ANTXRL: variants seen among roughly 807,000 people sequenced by gnomAD.
ANTXRL encodes ANTXR like.
ANTXRL carries 63 observed loss-of-function variants against 75.4 expected under a neutral mutation model. That is an observed-to-expected ratio of 0.84 (90% CI 0.68 to 1.03). ANTXRL has a LOEUF of 1.03. ANTXRL is among the 50% of genes least tolerant of loss of function. The pLI, the probability that ANTXRL is intolerant of heterozygous loss-of-function variation, is 0.00. For missense variants in ANTXRL, 797 were observed against 789.4 expected (o/e 1.01, Z -0.12); for synonymous variants, 335 against 291.3 (o/e 1.15, Z -1.53).
intron 16 of ANTXRL, among the ~76,000 whole-genome samples, chr10:46,328,260 A>T (rs7897867): frequency 0.029 from 4,423 of 152,228 alleles, 202 homozygotes; most frequent in African/African-American, 0.1. Flanking sequence ...AGAACATTCC[A>T]GAAACAGAGG....
chr10:46,305,115 C>A (rs4075137), intron 10 of ANTXRL, among the ~76,000 whole-genome samples: 44,888 of 151,824 alleles, frequency 0.3, 6,284 homozygotes, highest in African/African-American at 0.4. Context: ...ATCCCCGGAA[C>A]ATGTCCCTGG....
chr10:46,314,016 T>A (rs1173735955), intron 16 of ANTXRL, among the ~76,000 whole-genome samples: 1 of 152,224 alleles, frequency 6.6e-6, no homozygotes. Flanking sequence ...GGGACTCATC[T>A]GCCTGTGCCT....
intron 16 of ANTXRL, 106 bp from the exon 17 acceptor site, chr10:46,329,493 G>T (rs1190674016): frequency 3.6e-6 from 5 of 1,402,804 alleles, no homozygotes; most frequent in East Asian, 2.5e-5. Flanking sequence ...CACCCTGTGG[G>T]TCCCGATGGG....
intron 14 of ANTXRL, among the ~76,000 whole-genome samples, 154 bp downstream of exon 14, chr10:46,310,653 C>T (rs1222633914): frequency 6.6e-6 from 1 of 152,046 alleles, no homozygotes; most frequent in Non-Finnish European, 1.5e-5. Flanking sequence ...ATGGGGGACT[C>T]ACAGTGATGT....
At chr10:46,320,431 G>T (rs565909849) in intron 16 of ANTXRL, among the ~76,000 whole-genome samples, 1 of 152,100 alleles carries the variant, frequency 6.6e-6, no homozygotes, top group Non-Finnish European at 1.5e-5. Context: ...GCAAGGGTTT[G>T]TTACAATTGT....
chr10:46,298,064 T>C lies in ANTXRL; in HGVS notation c.796+2T>C, dbSNP rs782744335. On this transcript the variant is annotated splice_donor_variant, in intron 9 of 16. Coordinates refer to ENST00000620264, the MANE Select transcript of ANTXRL (RefSeq NM_001278688.3). LOFTEE classifies it high-confidence loss of function. ...AGCCTTCCTCTGAGTGTGTAGGAGG[T>C]GAGAGCTGCGGAGGCCCTGGGGTAG... is the stretch of plus-strand genomic sequence containing the variant. 3.9e-6 allele frequency: 6 copies of C among 1,535,070 alleles called. No individual in the cohort carries two copies. The South Asian group carries it at 7.1e-5, about 18-fold the overall frequency.
intron 16 of ANTXRL, among the ~76,000 whole-genome samples, chr10:46,326,212 G>A (rs1197033149): frequency 1.3e-5 from 2 of 152,020 alleles, no homozygotes; most frequent in African/African-American, 4.8e-5. Flanking sequence ...ATGGATAAAA[G>A]GAAGGAACAG....
At chr10:46,316,536 G>A (rs1477603521) in intron 16 of ANTXRL, among the ~76,000 whole-genome samples, 20 of 152,076 alleles carry the variant, frequency 1.3e-4, no homozygotes, top group Non-Finnish European at 2.1e-4. Context: ...CAGAGCTGTG[G>A]ACACCGAAGC....
chr10:46,328,655 CATGTGCAGG>C (rs1834641635), intron 16 of ANTXRL, among the ~76,000 whole-genome samples: 1 of 151,682 alleles, frequency 6.6e-6, no homozygotes, highest in African/African-American at 2.4e-5. Flanking sequence ...TTCCGGGATA[CATGTGCAGG>C]ATGTGCAGGT....
chr10:46,300,419 A>G (rs1554960208), intron 9 of ANTXRL, among the ~76,000 whole-genome samples: 1 of 152,084 alleles, frequency 6.6e-6, no homozygotes, highest in African/African-American at 2.4e-5. Flanking sequence ...TGGGCCTCCT[A>G]TCCAGCCTGG....
rs1554967178 is a variant in ANTXRL, at chr10:46,329,749, C to G, written c.1561C>G (p.Leu521Val). The change falls in exon 17 of 17, where the codon CTC becomes GTC. Residue 521 changes from leucine (L) to valine (V), a missense_variant. Coordinates refer to ENST00000620264, the MANE Select transcript of ANTXRL (RefSeq NM_001278688.3). The part of the protein sequence containing the change: ...RMCLRHSREC[L>V]ALKQARCSPN... ...GTGCCTGAGACACAGCCGGGAGTGCCTCGCCCTCAAACAGGCTCGCTGCAG... is the reference window on the plus strand; with the variant it reads ...GTGCCTGAGACACAGCCGGGAGTGCGTCGCCCTCAAACAGGCTCGCTGCAG... 6.5e-7 allele frequency: 1 copy of G among 1,534,620 alleles called. No homozygotes were observed. The highest frequency in any genetic ancestry group is 8.7e-7 in the Non-Finnish European group (1 of 1,146,626).
At chr10:46,308,039 T>G (rs1212201591) in intron 12 of ANTXRL, among the ~76,000 whole-genome samples, 5 of 152,156 alleles carry the variant, frequency 3.3e-5, no homozygotes, top group African/African-American at 9.7e-5. Flanking sequence ...GTGCCTGCTC[T>G]TCAGAGCTCC....
intron 3 of ANTXRL, chr10:46,294,206 TGCAGGGG>T (rs781869745): frequency 1.2e-4 from 50 of 425,014 alleles, no homozygotes; most frequent in Non-Finnish European, 1.9e-4. Flanking sequence ...ATTCCCAGGG[TGCAGGGG>T]CTGGCAGGGC....
chr10:46,328,463 A>G lies in ANTXRL; in HGVS notation c.1411-1136A>G, dbSNP rs1405008388. Among the ~76,000 whole-genome samples, 22 of 152,122 alleles carry G rather than the reference A, an allele frequency of 1.4e-4. 1 individual carries two copies. The highest frequency in any genetic ancestry group is 1.5e-5 in the Non-Finnish European group (1 of 68,032). Reference sequence around the variant, plus strand: ...GAGCTCCAGCCATCACACTCATATTACAGGCAGGAAGAAGAAGGAAAAAGG... The same window carrying G: ...GAGCTCCAGCCATCACACTCATATTGCAGGCAGGAAGAAGAAGGAAAAAGG... On this transcript the variant is annotated intron_variant, in intron 16 of 16. Coordinates refer to ENST00000620264, the MANE Select transcript of ANTXRL (RefSeq NM_001278688.3).
chr10:46,294,430 C>G (rs1837244062), intron 3 of ANTXRL, among the ~76,000 whole-genome samples: 1 of 152,056 alleles, frequency 6.6e-6, no homozygotes, highest in African/African-American at 2.4e-5. Flanking sequence ...TGGAGGGAGG[C>G]AGGAGGAACA....
chr10:46,307,714 C>T (rs1222161275), intron 12 of ANTXRL, among the ~76,000 whole-genome samples: 5 of 152,126 alleles, frequency 3.3e-5, no homozygotes, highest in African/African-American at 1.2e-4. Context: ...GGCCCAGGAG[C>T]CCTGGAGGAT....
intron 1 of ANTXRL, among the ~76,000 whole-genome samples, chr10:46,289,419 C>T (rs527711825): frequency 2.6e-5 from 4 of 152,172 alleles, no homozygotes; most frequent in Non-Finnish European, 5.9e-5. Context: ...AGAAATGTTT[C>T]ATCATTGCGT....
chr10:46,318,438 G>T (rs1204978986), intron 16 of ANTXRL, among the ~76,000 whole-genome samples: 3 of 151,890 alleles, frequency 2.0e-5, no homozygotes, highest in African/African-American at 7.3e-5. Flanking sequence ...TCATGAGCTT[G>T]CTATGTTATT....
intron 3 of ANTXRL, 35 bp downstream of exon 3, chr10:46,293,935 A>T: frequency 2.6e-6 from 4 of 1,529,618 alleles, no homozygotes; most frequent in Non-Finnish European, 3.5e-6. Context: ...GGGAGGCCTG[A>T]TGAGCTTGGC....
Sources: gnomAD v4.1 joint callset for allele counts (sites outside exome capture counted in the v4.1 genomes callset) on GRCh38, gnomAD v4.1.1 for gene constraint, MANE v1.5 for transcripts, NCBI Gene and HGNC (gene_info 2026-07-23, HGNC 2026-07-21) for gene names.